PRAMEF17: variants seen among roughly 807,000 people sequenced by gnomAD.
PRAMEF17 encodes PRAME family member 17.
In PRAMEF17, 48 loss-of-function variants were observed where a neutral mutation model predicts 36.8. The observed-to-expected ratio is 1.30, with a 90% CI of 1.03 to 1.66. The LOEUF is 1.66. PRAMEF17 is among the 40% of genes most tolerant of loss of function. The pLI is 0.00. For missense variants in PRAMEF17, 639 were observed against 560.6 expected, an observed-to-expected ratio of 1.14 and a Z score of -1.41; for synonymous variants, 246 against 220.4, an observed-to-expected ratio of 1.12 and a Z score of -1.03.
Position 13,390,740 on chromosome 1 carries a change from C to T in PRAMEF17, c.687C>T (p.Ser229=), listed in dbSNP as rs1247732901. Residue 229 remains serine, a synonymous_variant, in exon 2 of 3, where the codon AGC becomes AGT. Transcript: ENST00000376098. ...NKTGKFAPYL[S]QMSNLRKLFL... Reference sequence around the variant, plus strand: ...CAGGAAAGTTTGCCCCTTACTTGAGCCAGATGAGCAATCTTCGCAAACTCT... The same window carrying T: ...CAGGAAAGTTTGCCCCTTACTTGAGTCAGATGAGCAATCTTCGCAAACTCT... 1 of 1,611,990 alleles carries T rather than the reference C, an allele frequency of 6.2e-7. No individual in the cohort carries two copies. Among genetic ancestry groups the T allele is most frequent in the Non-Finnish European group, 8.5e-7 (1 of 1,179,860 alleles).
Position 13,392,081 on chromosome 1 carries a change from C to T in PRAMEF17, c.1004C>T (p.Thr335Ile), listed in dbSNP as rs1640892438. Residue 335 changes from threonine to isoleucine, a missense_variant, in exon 3 of 3, where the codon ACC (threonine) becomes ATC (isoleucine). Coordinates refer to ENST00000376098, the MANE Select transcript of PRAMEF17 (RefSeq NM_001099851.3). ...LHLIHILMWT[T>I]NLEPLGALLE... ...CTGATTCATATCCTAATGTGGACTA[C>T]CAATCTTGAGCCCCTTGGAGCTCTG... The T allele has an allele frequency of 5.6e-6, 9 of 1,611,902 alleles. No individual in the cohort carries two copies. In the East Asian group the frequency reaches 6.7e-5, roughly 12 times the overall value.
At position 13,390,359 on chromosome 1, in the gene PRAMEF17, G is replaced by A. The variant is rs1640862713; in HGVS notation, c.306G>A (p.Val102=). 4 of 1,611,870 alleles carry A rather than the reference G, an allele frequency of 2.5e-6. No individual in the cohort carries two copies. Among genetic ancestry groups the A allele is most frequent in the Non-Finnish European group, 3.4e-6 (4 of 1,179,858 alleles). ...CTCACAGGAGGTGGAAACTTCAAGT[G>A]CTGGATTTGCGGGATGTTGATGGGA... is the stretch of plus-strand genomic sequence containing the variant. ...KLRPRRWKLQ[V]LDLRDVDGNF... is the part of the protein sequence containing the mutation. The change falls in exon 2 of 3, where the codon GTG becomes GTA. Residue 102 remains valine, a synonymous_variant. Transcript: ENST00000376098.
Position 13,389,879 on chromosome 1 carries a change from T to C in PRAMEF17, c.222T>C (p.His74=), listed in dbSNP as rs2100404950. 6.2e-7 allele frequency: 1 copy of C among 1,613,528 alleles called. No individual in the cohort carries two copies. Among genetic ancestry groups the C allele is most frequent in the East Asian group, 2.2e-5 (1 of 44,868 alleles). ...LPLGSLMKTP[H]LETLQAVLKG... is the part of the protein sequence containing the mutation. ...TGGGATCCCTGATGAAGACACCTCA[T>C]CTGGAGACCTTGCAAGCTGTGCTGA... is the stretch of plus-strand genomic sequence containing the variant. Residue 74 remains histidine, a synonymous_variant, in exon 1 of 3, where the codon CAT becomes CAC. Transcript: ENST00000376098.
In PRAMEF17 at chr1:13,390,563, G is replaced by A. The variant is rs771869429; in HGVS notation, c.510G>A (p.Trp170Ter). 33 of 1,611,858 alleles carry A rather than the reference G, an allele frequency of 2.0e-5. No homozygotes were observed. Among genetic ancestry groups the A allele is most frequent in the Non-Finnish European group, 2.6e-5 (31 of 1,179,868 alleles). Residue 170 changes from tryptophan to a stop codon, truncating the protein, a stop_gained, in exon 2 of 3, where the codon TGG becomes TGA. Transcript: ENST00000376098. LOFTEE classifies it high-confidence loss of function. ...AATGCCTGAGCTACCTCTGCAGGTG[G>A]ATCCACTACAGAAGAGGTCTAGTGC... is the stretch of plus-strand genomic sequence containing the variant. ...LDECLSYLCRWIHYRRGLVHL... is the reference protein window; with the variant it reads ...LDECLSYLCR
At chr1:13,390,210 A>T in intron 1 of PRAMEF17, 131 bp from the exon 2 acceptor site, 1 of 1,468,710 alleles carries the variant, frequency 6.8e-7, no homozygotes, top group Non-Finnish European at 9.4e-7. Context: ...GGGGAGCGGG[A>T]TGGAGAAGAG....
At chr1:13,391,791 A>T (rs1446709346) in intron 2 of PRAMEF17, among the ~76,000 whole-genome samples, 153 bp from the exon 3 acceptor site, 1 of 152,128 alleles carries the variant, frequency 6.6e-6, no homozygotes, top group Non-Finnish European at 1.5e-5. Flanking sequence ...TTTGAGTGAA[A>T]CAGGCTTCCC....
In PRAMEF17 at chr1:13,392,000, A is replaced by G. The variant is rs200509275; in HGVS notation, c.923A>G (p.Gln308Arg). The change falls in exon 3 of 3, where the codon CAG becomes CGG. Residue 308 changes from glutamine (Q) to arginine (R), a missense_variant. By Grantham distance (43) the Gln-to-Arg change is conservative. Transcript: ENST00000376098. Reference sequence around the variant, plus strand: ...TTCTGTCATGCTTACCTAGCTGATCAGGACATGGAGTGTCTGTCTCAGTAC... The same window carrying G: ...TTCTGTCATGCTTACCTAGCTGATCGGGACATGGAGTGTCTGTCTCAGTAC... The part of the protein sequence containing the change: ...FIFCHAYLAD[Q>R]DMECLSQYPS... 15,119 of 1,598,128 alleles carry G rather than the reference A, an allele frequency of 9.5e-3. 284 individuals are homozygous for G. The highest frequency in any genetic ancestry group is 0.058 in the East Asian group (2,524 of 43,514).
At chr1:13,391,412 A>G (rs1299355765) in intron 2 of PRAMEF17, among the ~76,000 whole-genome samples, 2 of 152,200 alleles carry the variant, frequency 1.3e-5, no homozygotes, top group African/African-American at 4.8e-5. Context: ...AGTAGTTGAC[A>G]TGAGAAAAGC....
Position 13,392,362 on chromosome 1 carries a change from A to G in PRAMEF17, c.1285A>G (p.Ile429Val). 1 of 1,611,844 alleles carries G rather than the reference A, an allele frequency of 6.2e-7. No homozygotes were observed. Reference sequence around the variant, plus strand: ...CAACAGGGGTCATGTCAATTGGGAGATCCTCGCCCCAATTCGGGCTGAGCT... The same window carrying G: ...CAACAGGGGTCATGTCAATTGGGAGGTCCTCGCCCCAATTCGGGCTGAGCT... ...LDNRGHVNWE[I>V]LAPIRAELMC... The change falls in exon 3 of 3, where the codon ATC becomes GTC. Residue 429 changes from isoleucine (I) to valine (V), a missense_variant. Coordinates refer to ENST00000376098, the MANE Select transcript of PRAMEF17 (RefSeq NM_001099851.3).
At position 13,392,418 on chromosome 1, in the gene PRAMEF17, C is replaced by G. The variant is rs768813100; in HGVS notation, c.1341C>G (p.Pro447=). 1.2e-6 allele frequency: 2 copies of G among 1,611,838 alleles called. No individual in the cohort carries two copies. Among genetic ancestry groups the G allele is most frequent in the African/African-American group, 1.3e-5 (1 of 74,840 alleles). Residue 447 remains proline (P), a synonymous_variant, in exon 3 of 3, where the codon CCC becomes CCG. Transcript: ENST00000376098. ...LMCTLREVRQ[P]KRIFFGPIPC... ...GTACACTCAGGGAAGTCAGGCAGCC[C>G]AAGAGGATCTTTTTTGGTCCCATCC...
chr1:13,390,434 G>C lies in PRAMEF17; in HGVS notation c.381G>C (p.Glu127Asp). ...SGARALSCSP[E>D]AMSKRQTVED... ...CCAGGGCCCTCTCCTGCTCCCCAGA[G>C]GCCATGAGTAAGAGGCAGACAGTGG... The change falls in exon 2 of 3, where the codon GAG becomes GAC. Residue 127 changes from glutamate (E) to aspartate (D), a missense_variant. Transcript: ENST00000376098. 6.2e-7 allele frequency: 1 copy of C among 1,612,016 alleles called. No individual in the cohort carries two copies. The highest frequency in any genetic ancestry group is 8.5e-7 in the Non-Finnish European group (1 of 1,179,856).
At position 13,392,072 on chromosome 1, in the gene PRAMEF17, T is replaced by C. The variant is rs1377543647; in HGVS notation, c.995T>C (p.Met332Thr). 1.2e-5 allele frequency: 20 copies of C among 1,611,712 alleles called. No individual in the cohort carries two copies. The African/African-American group carries it at 1.9e-4, about 15-fold the overall frequency. ...GAGCTGCATCTGATTCATATCCTAA[T>C]GTGGACTACCAATCTTGAGCCCCTT... ...LKELHLIHIL[M>T]WTTNLEPLGA... is the part of the protein sequence containing the mutation. The change falls in exon 3 of 3, where the codon ATG becomes ACG. Residue 332 changes from methionine to threonine, a missense_variant. Physicochemically the swap from Met to Thr is moderately conservative, Grantham distance 81. Coordinates refer to ENST00000376098, the MANE Select transcript of PRAMEF17 (RefSeq NM_001099851.3).
At chr1:13,391,752 C>T (rs1295934705) in intron 2 of PRAMEF17, among the ~76,000 whole-genome samples, 192 bp from the exon 3 acceptor site, 2 of 152,166 alleles carry the variant, frequency 1.3e-5, no homozygotes, top group African/African-American at 2.4e-5. Context: ...GCACGCAGAC[C>T]ATCATCTGAT....
At position 13,390,477 on chromosome 1, in the gene PRAMEF17, G is replaced by A; in HGVS notation, c.424G>A (p.Gly142Arg). ...GACAGTGGAGGACTATCCAAGGACG[G>A]GAGAGCACCAGCCCTTGAAGGTGTT... ...RQTVEDYPRT[G>R]EHQPLKVFID... Residue 142 changes from glycine (G) to arginine (R), a missense_variant, in exon 2 of 3, where the codon GGA becomes AGA. By Grantham distance (125) the Gly-to-Arg change is moderately radical. Transcript: ENST00000376098. The A allele has an allele frequency of 6.2e-7, 1 of 1,611,996 alleles. No individual in the cohort carries two copies. Among genetic ancestry groups the A allele is most frequent in the Non-Finnish European group, 8.5e-7 (1 of 1,179,858 alleles).
In PRAMEF17 at chr1:13,392,214, C is replaced by G. The variant is rs535025110; in HGVS notation, c.1137C>G (p.Leu379=). The change falls in exon 3 of 3, where the codon CTC becomes CTG. Residue 379 remains leucine (L), a synonymous_variant. Transcript: ENST00000376098. ...CTGCCCTGAGCCGCTGCTCCCAGCT[C>G]ACCACCTTCTACTTTCGCGGAAATG... ...LLPALSRCSQ[L]TTFYFRGNET... is the part of the protein sequence containing the mutation. The G allele has an allele frequency of 2.6e-5, 42 of 1,611,978 alleles. No homozygotes were observed. The East Asian group carries it at 8.9e-4, about 34-fold the overall frequency.
Position 13,390,368 on chromosome 1 carries a change from G to A in PRAMEF17, c.315G>A (p.Leu105=). 6 of 1,611,982 alleles carry A rather than the reference G, an allele frequency of 3.7e-6. No individual in the cohort carries two copies. Among genetic ancestry groups the A allele is most frequent in the Non-Finnish European group, 5.1e-6 (6 of 1,179,844 alleles). The change falls in exon 2 of 3, where the codon TTG becomes TTA. Residue 105 remains leucine, a synonymous_variant. Coordinates refer to ENST00000376098, the MANE Select transcript of PRAMEF17 (RefSeq NM_001099851.3). The stretch of plus-strand genomic sequence containing the variant: ...GGTGGAAACTTCAAGTGCTGGATTT[G>A]CGGGATGTTGATGGGAATTTCTGGA... ...PRRWKLQVLD[L]RDVDGNFWTI...
intron 2 of PRAMEF17, 124 bp from the exon 3 acceptor site, chr1:13,391,820 C>T: frequency 1.4e-6 from 2 of 1,419,260 alleles, no homozygotes; most frequent in South Asian, 1.3e-5. Flanking sequence ...GTTACTACAA[C>T]ACCTGTGTGG....
Position 13,389,801 on chromosome 1 carries a change from T to G in PRAMEF17, c.144T>G (p.His48Gln), listed in dbSNP as rs1200697430. 5 of 1,613,152 alleles carry G rather than the reference T, an allele frequency of 3.1e-6. No homozygotes were observed. Among genetic ancestry groups the G allele is most frequent in the Non-Finnish European group, 3.4e-6 (4 of 1,179,966 alleles). ...LMFMEASSMR[H>Q]FEALKLMVQA... ...TCATGGAGGCCTCCAGCATGAGACA[T>G]TTTGAGGCCCTGAAGCTGATGGTGC... The change falls in exon 1 of 3, where the codon CAT becomes CAG. Residue 48 changes from histidine to glutamine, a missense_variant. Coordinates refer to ENST00000376098, the MANE Select transcript of PRAMEF17 (RefSeq NM_001099851.3).
In PRAMEF17 at chr1:13,392,164, G is replaced by T; in HGVS notation, c.1087G>T (p.Asp363Tyr). The change falls in exon 3 of 3, where the codon GAC becomes TAC. Residue 363 changes from aspartate to tyrosine, a missense_variant. Coordinates refer to ENST00000376098, the MANE Select transcript of PRAMEF17 (RefSeq NM_001099851.3). ...CACGTTAAAGGACTGTCAGATCCAG[G>T]ACTCCCAGCTCAGGGTCCTCCTGCC... Reference protein sequence around the residue: ...ILTLKDCQIQDSQLRVLLPAL... With the variant: ...ILTLKDCQIQYSQLRVLLPAL... 1 of 1,611,942 alleles carries T rather than the reference G, an allele frequency of 6.2e-7. No homozygotes were observed. The highest frequency in any genetic ancestry group is 8.5e-7 in the Non-Finnish European group (1 of 1,179,844).
Sources: gnomAD v4.1 joint callset for allele counts (sites outside exome capture counted in the v4.1 genomes callset) on GRCh38, gnomAD v4.1.1 for gene constraint, MANE v1.5 for transcripts, NCBI Gene and HGNC (gene_info 2026-07-23, HGNC 2026-07-21) for gene names.